The following NALF1 variants were observed in gnomAD, a reference collection of about 807,000 sequenced individuals.
The protein encoded by NALF1 is NALCN channel auxiliary factor 1.
A neutral mutation model predicts 48.4 loss-of-function variants in NALF1; 3 were observed. That is an observed-to-expected ratio of 0.06 (90% CI 0.03 to 0.16). NALF1 has a LOEUF of 0.16. Among genes scored for constraint, NALF1 ranks in the 10% least tolerant of loss-of-function variants. NALF1 has a pLI of 1.00. For synonymous variants in NALF1, 262 were observed against 245.7 expected (o/e 1.07, Z -0.62); for missense variants, 526 against 571.5 (o/e 0.92, Z 0.81).
chr13:107,828,498 T>C (rs1295516230), intron 1 of NALF1, among the ~76,000 whole-genome samples: 1 of 150,932 alleles, frequency 6.6e-6, no homozygotes, highest in East Asian at 1.9e-4. Context: ...ACTTGTTTTT[T>C]TTTTTTTTTC....
intron 1 of NALF1, among the ~76,000 whole-genome samples, chr13:107,424,837 T>C (rs566324673): frequency 4.6e-5 from 7 of 152,364 alleles, no homozygotes; most frequent in Non-Finnish European, 7.3e-5. Flanking sequence ...TTATGATTCG[T>C]ACATAACAGT....
intron 1 of NALF1, among the ~76,000 whole-genome samples, chr13:107,246,021 C>T (rs1455631540): frequency 2.6e-5 from 4 of 152,114 alleles, no homozygotes; most frequent in Admixed American, 1.3e-4. Context: ...CTGCTGGCTT[C>T]GCAGGTACCC....
chr13:107,329,066 C>T (rs1882419573), intron 1 of NALF1, among the ~76,000 whole-genome samples: 1 of 152,098 alleles, frequency 6.6e-6, no homozygotes, highest in Admixed American at 6.5e-5. Flanking sequence ...GACACTGCAA[C>T]ATCTTAGATT....
At chr13:107,494,604 T>G (rs1251002018) in intron 1 of NALF1, among the ~76,000 whole-genome samples, 1 of 152,184 alleles carries the variant, frequency 6.6e-6, no homozygotes, top group Non-Finnish European at 1.5e-5. Flanking sequence ...GAGATTCAAG[T>G]GCATTGGAAC....
rs1469161718 is a variant in NALF1, at chr13:107,389,870, T to A, written c.916-179115A>T. Among the ~76,000 whole-genome samples, 4 of 152,194 alleles carry A rather than the reference T, an allele frequency of 2.6e-5. No homozygotes were observed. In the East Asian group the frequency reaches 7.7e-4, roughly 29 times the overall value. Reference sequence around the variant, plus strand: ...ATATATACGTAATTTGATGTGACAGTTACTGCAAAAAATTAAATCAAAGAA... The same window carrying A: ...ATATATACGTAATTTGATGTGACAGATACTGCAAAAAATTAAATCAAAGAA... On this transcript the variant is annotated intron_variant, in intron 1 of 2. Coordinates refer to ENST00000375915, the MANE Select transcript of NALF1 (RefSeq NM_001080396.3).
chr13:107,261,617 C>G (rs1376258302), intron 1 of NALF1, among the ~76,000 whole-genome samples: 1 of 152,034 alleles, frequency 6.6e-6, no homozygotes, highest in Non-Finnish European at 1.5e-5. Flanking sequence ...TTTTTATGGA[C>G]AGCATGATGT....
intron 1 of NALF1, among the ~76,000 whole-genome samples, chr13:107,542,495 C>CAGTT (rs1877024674): frequency 1.3e-5 from 2 of 152,052 alleles, no homozygotes; most frequent in African/African-American, 4.8e-5. Flanking sequence ...TATGGTATGT[C>CAGTT]AGTTATAAGT....
chr13:107,580,920 A>G (rs1878289247), intron 1 of NALF1, among the ~76,000 whole-genome samples: 1 of 152,140 alleles, frequency 6.6e-6, no homozygotes. Context: ...CACCTTAACA[A>G]TGGGAGAAAC....
intron 1 of NALF1, among the ~76,000 whole-genome samples, chr13:107,659,779 C>T (rs909720457): frequency 4.6e-5 from 7 of 151,748 alleles, no homozygotes; most frequent in African/African-American, 1.7e-4. Context: ...ACAGGTGGTC[C>T]CTCACTTTTA....
intron 1 of NALF1, among the ~76,000 whole-genome samples, chr13:107,491,662 T>C (rs547012027): frequency 2.0e-5 from 3 of 152,346 alleles, no homozygotes; most frequent in African/African-American, 7.2e-5. Flanking sequence ...AAAACTCATC[T>C]GTCTCTACCT....
rs148476250 is a variant in NALF1, at chr13:107,487,639, A to G, written c.916-276884T>C. Among the ~76,000 whole-genome samples, 951 of 152,282 alleles carry G rather than the reference A, an allele frequency of 6.2e-3. 9 individuals are homozygous for G. The highest frequency in any genetic ancestry group is 0.021 in the African/African-American group (880 of 41,538). On this transcript the variant is annotated intron_variant, in intron 1 of 2. Transcript: ENST00000375915. ...TTCCGCAGATGAAGCCTACTTGATCATGGTGCATAAGCTTTTGGATATGCT... is the reference window on the plus strand; with the variant it reads ...TTCCGCAGATGAAGCCTACTTGATCGTGGTGCATAAGCTTTTGGATATGCT...
intron 1 of NALF1, among the ~76,000 whole-genome samples, chr13:107,863,559 G>C (rs777413359): frequency 1.4e-4 from 21 of 152,214 alleles, no homozygotes; most frequent in Non-Finnish European, 2.4e-4. Context: ...TCTCCATTGC[G>C]GTGATAAGAA....
chr13:107,349,162 C>G (rs1248313635), intron 1 of NALF1, among the ~76,000 whole-genome samples: 2 of 152,226 alleles, frequency 1.3e-5, no homozygotes, highest in Non-Finnish European at 2.9e-5. Context: ...TTCTATCTTA[C>G]ATTTTCTAGC....
rs1880743215 is a variant in NALF1 at position 107,866,710 on chromosome 13, TTC to T, written c.-116_-115del. The T allele has an allele frequency of 1.3e-6, 1 of 786,600 alleles. No individual in the cohort carries two copies. The highest frequency in any genetic ancestry group is 2.6e-5 in the East Asian group (1 of 38,784). 48.7% of individuals were successfully genotyped at this position (786,600 alleles called of 1,614,324 possible). A position where few individuals can be genotyped will look rare whatever the true frequency, so the allele number is the denominator to read the frequency against. ...TTTCCTTATCCCCTCCTCCCGTTTC[TTC>T]TCTCTCCTCTCTCTCTTTCTCTCTC... On this transcript the variant is annotated 5_prime_UTR_variant, in exon 1 of 3. Transcript: ENST00000375915. This position sits in a 1 kb window ranked among gnomAD's most constrained non-coding sequence, Gnocchi z 4.4.
intron 1 of NALF1, among the ~76,000 whole-genome samples, chr13:107,402,241 C>G (rs1159753971): frequency 1.3e-5 from 2 of 151,436 alleles, no homozygotes; most frequent in Non-Finnish European, 2.9e-5. Flanking sequence ...TCCGCATATT[C>G]AGGATCTGAG....
chr13:107,313,267 A>G (rs1467147222), intron 1 of NALF1, among the ~76,000 whole-genome samples: 1 of 152,108 alleles, frequency 6.6e-6, no homozygotes, highest in Non-Finnish European at 1.5e-5. Context: ...TCCAGGACTC[A>G]AGGCATGAGT....
At chr13:107,515,826 G>T (rs554125811) in intron 1 of NALF1, among the ~76,000 whole-genome samples, 1 of 152,096 alleles carries the variant, frequency 6.6e-6, no homozygotes, top group African/African-American at 2.4e-5. Flanking sequence ...CACAGATTTC[G>T]GGAAGAAAGA....
intron 1 of NALF1, among the ~76,000 whole-genome samples, chr13:107,846,492 T>C (rs1197097275): frequency 1.3e-5 from 2 of 152,200 alleles, no homozygotes; most frequent in Non-Finnish European, 2.9e-5. Flanking sequence ...CTCCCATTCC[T>C]ACCCCACTCT....
At chr13:107,382,738 T>C (rs1158577036) in intron 1 of NALF1, among the ~76,000 whole-genome samples, 1 of 152,180 alleles carries the variant, frequency 6.6e-6, no homozygotes, top group Admixed American at 6.5e-5. Context: ...GATTGGTCGT[T>C]TGGTAAAATG....
Sources: allele counts gnomAD v4.1 joint callset (sites outside exome capture counted in the v4.1 genomes callset), GRCh38; gene constraint gnomAD v4.1.1; non-coding constraint Gnocchi (gnomAD v3.1); transcripts MANE v1.5; gene names NCBI Gene and HGNC (gene_info 2026-07-23, HGNC 2026-07-21).